The following DAB1 variants were observed in gnomAD, a reference collection of about 807,000 sequenced individuals.
DAB1 encodes DAB adaptor protein 1.
DAB1 carries 15 observed loss-of-function variants against 64.6 expected under a neutral mutation model. The ratio of observed to expected loss-of-function variants is 0.23; its 90% CI spans 0.16 to 0.36. The LOEUF (loss-of-function observed/expected upper bound fraction) is 0.36, where lower values mean the gene tolerates loss of function less well. Among genes scored for constraint, DAB1 ranks in the 10% least tolerant of loss-of-function variants. The pLI, the probability that DAB1 is intolerant of heterozygous loss-of-function variation, is 1.00. For missense variants in DAB1, 596 were observed against 706.7 expected (o/e 0.84, Z 1.78); for synonymous variants, 235 against 251.9 (o/e 0.93, Z 0.64).
At chr1:58,462,495 C>T (rs548444750) in intron 3 of DAB1, 6 of 152,086 alleles carry the variant, frequency 3.9e-5, no homozygotes, top group African/African-American at 1.4e-4. Flanking sequence ...CAGGGTATCC[C>T]CAAGCTGTTC....
chr1:57,636,321 T>C (rs1192624530), intron 7 of DAB1, among the ~76,000 whole-genome samples: 1 of 152,090 alleles, frequency 6.6e-6, no homozygotes, highest in Non-Finnish European at 1.5e-5. Context: ...TGTGAGAAAA[T>C]AAATGTCTGT....
At chr1:57,915,447 C>T (rs576734142) in intron 5 of DAB1, among the ~76,000 whole-genome samples, 1 of 152,258 alleles carries the variant, frequency 6.6e-6, no homozygotes, top group East Asian at 1.9e-4. Flanking sequence ...TCCCGTGGGA[C>T]ATGGGATGTG....
intron 1 of DAB1, among the ~76,000 whole-genome samples, chr1:57,384,355 C>T (rs1008640561): frequency 8.5e-5 from 13 of 152,082 alleles, no homozygotes; most frequent in African/African-American, 2.2e-4. Flanking sequence ...ATGACGGTTC[C>T]GCAAAAAGGT....
intron 7 of DAB1, among the ~76,000 whole-genome samples, chr1:57,553,183 C>T (rs918431225): frequency 1.3e-5 from 2 of 151,352 alleles, no homozygotes; most frequent in Admixed American, 1.3e-4. Context: ...CCAGCATATT[C>T]CTATTACTTA....
chr1:57,523,906 C>G (rs184492014), intron 7 of DAB1, among the ~76,000 whole-genome samples: 4 of 151,368 alleles, frequency 2.6e-5, no homozygotes, highest in African/African-American at 9.7e-5. Flanking sequence ...GCCTGGATGA[C>G]AGAGCAAGAC....
chr1:58,368,877 A>C (rs77534968), intron 3 of DAB1, among the ~76,000 whole-genome samples: 16,600 of 152,144 alleles, frequency 0.11, 891 homozygotes, highest in African/African-American at 0.12. Flanking sequence ...AGACACAAAA[A>C]TTATCCGGGC....
intron 5 of DAB1, among the ~76,000 whole-genome samples, chr1:58,116,246 G>C (rs1652328732): frequency 6.6e-6 from 1 of 152,152 alleles, no homozygotes; most frequent in Admixed American, 6.5e-5. Context: ...ATAAGAAGTA[G>C]AATGATAGAA....
At chr1:58,007,386 T>A (rs1646601250) in intron 5 of DAB1, among the ~76,000 whole-genome samples, 1 of 152,210 alleles carries the variant, frequency 6.6e-6, no homozygotes, top group South Asian at 2.1e-4. Context: ...TATAACATCC[T>A]GCTAATTATT....
downstream of DAB1, among the ~76,000 whole-genome samples, chr1:57,825,616 A>G (rs1652310313): frequency 6.6e-6 from 1 of 152,278 alleles, no homozygotes; most frequent in Non-Finnish European, 1.5e-5. Context: ...AAGACTGGAC[A>G]GACCCTTTAT....
At chr1:57,093,046 C>CAA (rs1354829385) in intron 4 of DAB1, among the ~76,000 whole-genome samples, 1 of 152,086 alleles carries the variant, frequency 6.6e-6, no homozygotes, top group East Asian at 1.9e-4. Flanking sequence ...TAAGATAATG[C>CAA]AAAGACCCAG....
rs558889623 is a variant in DAB1 at position 57,626,747 on chromosome 1, C to A, written n.625+22845G>T. Among the ~76,000 whole-genome samples, 8 of 152,256 alleles carry A rather than the reference C, an allele frequency of 5.3e-5. No individual in the cohort carries two copies. The South Asian group carries it at 1.5e-3, about 28-fold the overall frequency. On this transcript the variant is annotated intron_variant and non_coding_transcript_variant, in intron 7 of 20. Coordinates refer to the DAB1 transcript ENST00000485760. ...GATAGCCATCTTTTCACTGTGCCCC[C>A]ACATGGCAGAAGAGGTGAGGGATCT...
chr1:58,083,101 T>G (rs985168099), intron 5 of DAB1, among the ~76,000 whole-genome samples: 1 of 152,204 alleles, frequency 6.6e-6, no homozygotes, highest in Non-Finnish European at 1.5e-5. Context: ...CGCAAACATT[T>G]CTTTACATCT....
At chr1:58,315,662 C>T (rs1391715193) in intron 4 of DAB1, among the ~76,000 whole-genome samples, 1 of 152,148 alleles carries the variant, frequency 6.6e-6, no homozygotes, top group African/African-American at 2.4e-5. Context: ...CTCAGGCTGT[C>T]TGTGATGTTC....
At chr1:58,434,118 T>C (rs1451479839) in intron 3 of DAB1, among the ~76,000 whole-genome samples, 1 of 152,114 alleles carries the variant, frequency 6.6e-6, no homozygotes, top group Non-Finnish European at 1.5e-5. Flanking sequence ...TTGAGTGAAA[T>C]GGGGTCCATG....
chr1:58,409,583 G>A (rs849486), intron 3 of DAB1, among the ~76,000 whole-genome samples: 20,821 of 152,174 alleles, frequency 0.14, 2,268 homozygotes, highest in African/African-American at 0.29. Flanking sequence ...TGATTTCTGC[G>A]AATAGGGATA....
chr1:58,507,228 G>T (rs561577192), intron 2 of DAB1, among the ~76,000 whole-genome samples: 1 of 151,282 alleles, frequency 6.6e-6, no homozygotes, highest in East Asian at 1.9e-4. Context: ...TAAGTAACTG[G>T]AAAACAAGTG....
chr1:57,852,394 C>T (rs1653569107), intron 1 of DAB1, among the ~76,000 whole-genome samples: 1 of 152,154 alleles, frequency 6.6e-6, no homozygotes, highest in Non-Finnish European at 1.5e-5. Context: ...TTCCTACATT[C>T]TAAACACTCA....
intron 2 of DAB1, among the ~76,000 whole-genome samples, chr1:57,151,222 T>TA (rs1474004442): frequency 6.6e-6 from 1 of 152,144 alleles, no homozygotes. Flanking sequence ...AGGATTAGAT[T>TA]AAAAAGAACA....
Position 57,747,807 on chromosome 1 carries a change from CAAAAAAAA to C in DAB1, n.552-98150_552-98143del, listed in dbSNP as rs373640023. Among the ~76,000 whole-genome samples, 17 of 43,974 alleles carry C rather than the reference CAAAAAAAA, an allele frequency of 3.9e-4. 1 individual carries two copies. In the Admixed American group the frequency reaches 4.1e-3, roughly 11 times the overall value. The allele number at this position is 43,974 out of a possible 152,430, so 28.8% of individuals were successfully genotyped here. On this transcript the variant is annotated intron_variant and non_coding_transcript_variant, in intron 6 of 20. Transcript: ENST00000485760. ...CTGGGCGACAGAGGAGGACTCTGTCCAAAAAAAAAAAAAAAAAAAAAAAAAAGAATACC... is the reference window on the plus strand; with the variant it reads ...CTGGGCGACAGAGGAGGACTCTGTCCAAAAAAAAAAAAAAAAAAGAATACC...
Sources: allele counts gnomAD v4.1 joint callset (sites outside exome capture counted in the v4.1 genomes callset), GRCh38; gene constraint gnomAD v4.1.1; transcripts MANE v1.5; gene names NCBI Gene and HGNC (gene_info 2026-07-23, HGNC 2026-07-21).